Variants in PARP14 observed in about 807,000 individuals in gnomAD.
The protein encoded by PARP14 is protein mono-ADP-ribosyltransferase PARP14.
PARP14 carries 59 observed loss-of-function variants against 154.2 expected under a neutral mutation model. The observed-to-expected ratio is 0.38, with a 90% confidence interval of 0.31 to 0.48. PARP14 has a LOEUF of 0.48. Among genes scored for constraint, PARP14 ranks in the 20% least tolerant of loss-of-function variants. The probability of loss-of-function intolerance (pLI) is 0.98; values close to 1 mark genes in which losing one functional copy is unlikely to be tolerated. For missense variants in PARP14, 1,734 were observed against 2,131.6 expected (o/e 0.81, Z 3.67); for synonymous variants, 720 against 780.5 (o/e 0.92, Z 1.29).
Position 122,701,166 on chromosome 3 carries a change from A to G in PARP14, c.2612A>G (p.Lys871Arg). The change falls in exon 6 of 17, where the codon AAG becomes AGG. Residue 871 changes from lysine to arginine, a missense_variant. This residue lies in a region of PARP14 where 1,646 missense variants were observed against 1,976.0 expected (regional missense o/e 0.83). Transcript: ENST00000474629. The surrounding 1 kb of genome is among the most constrained non-coding windows in gnomAD (Gnocchi z 4.0). ...PGNATISKAG[K>R]LPYHHVIHAV... ...AATGCCACCATCTCCAAGGCAGGAA[A>G]GCTGCCCTACCACCACGTGATCCAT... The G allele has an allele frequency of 6.2e-7, 1 of 1,613,848 alleles. No individual in the cohort carries two copies. Among genetic ancestry groups the G allele is most frequent in the Non-Finnish European group, 8.5e-7 (1 of 1,179,806 alleles).
At chr3:122,707,158 C>A (rs1175703527) in intron 8 of PARP14, among the ~76,000 whole-genome samples, 1 of 152,070 alleles carries the variant, frequency 6.6e-6, no homozygotes, top group Non-Finnish European at 1.5e-5. Context: ...GTGGCTCATG[C>A]CTGTAATCCC....
In PARP14 at chr3:122,715,104, T is replaced by G. The variant is rs191624733; in HGVS notation, c.4000+675T>G. Among the ~76,000 whole-genome samples, 383 of 144,222 alleles carry G rather than the reference T, an allele frequency of 2.7e-3. 5 individuals carry two copies. The highest frequency in any genetic ancestry group is 1.3e-3 in the African/African-American group (51 of 38,538). The allele number at this position is 144,222 out of a possible 152,430, so 94.6% of individuals were successfully genotyped here. On this transcript the variant is annotated intron_variant, in intron 12 of 16. Coordinates refer to ENST00000474629, the MANE Select transcript of PARP14 (RefSeq NM_017554.3). ...TCTGGATTTATCATTAATTAGGTGG[T>G]TTTTTTTTTTTAATTATACTGGGGT...
chr3:122,689,803 C>T (rs1280913740), intron 3 of PARP14, among the ~76,000 whole-genome samples: 1 of 152,186 alleles, frequency 6.6e-6, no homozygotes, highest in Admixed American at 6.5e-5. Context: ...TTCCATGACT[C>T]ACCCTTACCA....
At chr3:122,711,309 T>G (rs1939313788) in intron 9 of PARP14, among the ~76,000 whole-genome samples, 2 of 152,210 alleles carry the variant, frequency 1.3e-5, no homozygotes, top group South Asian at 4.1e-4. Context: ...GGTGCTGGAT[T>G]TTATCAGATG....
At chr3:122,691,703 CAT>C (rs1467493331) in intron 3 of PARP14, among the ~76,000 whole-genome samples, 2 of 152,184 alleles carry the variant, frequency 1.3e-5, no homozygotes, top group Non-Finnish European at 2.9e-5. Context: ...GATGAATAAA[CAT>C]GTGTCTCGCT....
At chr3:122,728,285 A>G (rs1248731318) in intron 16 of PARP14, 23 bp from the exon 17 acceptor site, 2 of 1,596,802 alleles carry the variant, frequency 1.3e-6, no homozygotes, top group East Asian at 2.2e-5. Context: ...TGAAATGCTT[A>G]AAAATGGTTT....
chr3:122,705,652 A>T (rs575948990), intron 8 of PARP14, among the ~76,000 whole-genome samples: 2 of 152,206 alleles, frequency 1.3e-5, no homozygotes, highest in Non-Finnish European at 2.9e-5. Context: ...AGTGTTTGAA[A>T]AGCTCCCAAG....
intron 15 of PARP14, among the ~76,000 whole-genome samples, chr3:122,727,134 C>T (rs17271371): frequency 0.051 from 7,704 of 152,124 alleles, 268 homozygotes; most frequent in Middle Eastern, 0.11. Context: ...CTTTGGTCAC[C>T]TTTACCCACC....
intron 3 of PARP14, among the ~76,000 whole-genome samples, chr3:122,689,893 G>A (rs1297901861): frequency 6.6e-6 from 1 of 152,052 alleles, no homozygotes. Flanking sequence ...CTGCACAATT[G>A]TGCGCCTTTT....
intron 1 of PARP14, among the ~76,000 whole-genome samples, chr3:122,682,282 C>G (rs376392945): frequency 1.1e-4 from 17 of 152,192 alleles, no homozygotes; most frequent in African/African-American, 4.1e-4. Flanking sequence ...GCATCACCAT[C>G]GATCTGGCCC....
At chr3:122,703,720 A>C in intron 6 of PARP14, 22 bp from the exon 7 acceptor site, 2 of 1,475,240 alleles carry the variant, frequency 1.4e-6, no homozygotes, top group Non-Finnish European at 1.8e-6. Context: ...ATTTGAAACA[A>C]ATTTTTGGTT....
At chr3:122,706,687 T>C (rs1939163625) in intron 8 of PARP14, among the ~76,000 whole-genome samples, 1 of 152,146 alleles carries the variant, frequency 6.6e-6, no homozygotes, top group Non-Finnish European at 1.5e-5. Context: ...CTCTACCCTC[T>C]CTCTGGTTCC....
At position 122,703,770 on chromosome 3, in the gene PARP14, T is replaced by C; in HGVS notation, c.3110T>C (p.Leu1037Ser). The C allele has an allele frequency of 1.2e-6, 2 of 1,610,490 alleles. No individual in the cohort carries two copies. Among genetic ancestry groups the C allele is most frequent in the Non-Finnish European group, 1.7e-6 (2 of 1,178,028 alleles). Reference protein sequence around the residue: ...KTDVVVNSVPLDLVLSRGPLS... With the variant: ...KTDVVVNSVPSDLVLSRGPLS... Reference sequence around the variant, plus strand: ...GATGTTGTTGTCAACTCCGTTCCCTTGGATCTCGTGCTTAGTAGAGGGCCT... The same window carrying C: ...GATGTTGTTGTCAACTCCGTTCCCTCGGATCTCGTGCTTAGTAGAGGGCCT... The change falls in exon 7 of 17, where the codon TTG becomes TCG. Residue 1037 changes from leucine (L) to serine (S), a missense_variant. Around this residue, in one of 2 missense-constraint regions of PARP14, gnomAD observed 1,646 missense variants for 1,976.0 expected, o/e 0.83. Transcript: ENST00000474629.
intron 12 of PARP14, among the ~76,000 whole-genome samples, chr3:122,714,883 A>T (rs1373200528): frequency 6.6e-6 from 1 of 152,174 alleles, no homozygotes; most frequent in Non-Finnish European, 1.5e-5. Flanking sequence ...GAATATTACC[A>T]GGCTTCAGCT....
intron 12 of PARP14, 122 bp downstream of exon 12, chr3:122,714,551 G>A (rs1434637527): frequency 4.8e-6 from 3 of 623,128 alleles, no homozygotes; most frequent in Non-Finnish European, 7.8e-6. Context: ...TAAGCTAGGA[G>A]TGGACAGCTT....
In PARP14 at chr3:122,703,011, CA is replaced by C. The variant is rs1185336732; in HGVS notation, c.3082-719del. Among the ~76,000 whole-genome samples the C allele has an allele frequency of 1.3e-3, 85 of 67,374 alleles. 1 individual carries two copies. The highest frequency in any genetic ancestry group is 7.9e-3 in the Middle Eastern group (1 of 126). 44.2% of individuals were successfully genotyped at this position (67,374 alleles called of 152,430 possible). ...TCTCTCTTAAAAAAAAAAAAAAAAA[CA>C]AAAAAAAAAAACAAAAAACAAAAAA... On this transcript the variant is annotated intron_variant, in intron 6 of 16. Coordinates refer to ENST00000474629, the MANE Select transcript of PARP14 (RefSeq NM_017554.3).
intron 7 of PARP14, among the ~76,000 whole-genome samples, 157 bp downstream of exon 7, chr3:122,704,135 G>A (rs1576591305): frequency 6.6e-6 from 1 of 152,214 alleles, no homozygotes; most frequent in East Asian, 1.9e-4. Flanking sequence ...TCTTTCAGCT[G>A]TAGCTGACTT....
At chr3:122,724,532 A>C (rs1933240154) in intron 15 of PARP14, among the ~76,000 whole-genome samples, 1 of 146,222 alleles carries the variant, frequency 6.8e-6, no homozygotes, top group African/African-American at 2.6e-5. Context: ...TTTTGACTTC[A>C]AAAGTGCTGG....
Position 122,728,899 on chromosome 3 carries a change from A to G in PARP14, c.*302A>G. ...TTGTATTTTCAGGAAGGAGAGAATA[A>G]CAGTCTTATAGACAGAGGGCACAGC... On this transcript the variant is annotated 3_prime_UTR_variant, in exon 17 of 17. Coordinates refer to ENST00000474629, the MANE Select transcript of PARP14 (RefSeq NM_017554.3). 1 of 335,320 alleles carries G rather than the reference A, an allele frequency of 3.0e-6. No individual in the cohort carries two copies. The highest frequency in any genetic ancestry group is 5.7e-6 in the Non-Finnish European group (1 of 176,668). 20.8% of individuals were successfully genotyped at this position (335,320 alleles called of 1,614,324 possible).
Sources: allele counts gnomAD v4.1 joint callset (sites outside exome capture counted in the v4.1 genomes callset), GRCh38; gene constraint gnomAD v4.1.1; regional missense constraint gnomAD v4.1.1; non-coding constraint Gnocchi (gnomAD v3.1); transcripts MANE v1.5; gene names NCBI Gene and HGNC (gene_info 2026-07-23, HGNC 2026-07-21).